FAM163A: variants seen among roughly 807,000 people sequenced by gnomAD.
FAM163A encodes protein FAM163A.
FAM163A carries 7 observed loss-of-function variants against 12.0 expected under a neutral mutation model. That is an observed-to-expected ratio of 0.58 (90% CI 0.33 to 1.10). FAM163A has a LOEUF of 1.10. FAM163A is among the 50% of genes least tolerant of loss of function. The pLI is 0.03. For missense variants in FAM163A, 202 were observed against 218.6 expected (o/e 0.92, Z 0.48); for synonymous variants, 101 against 91.0 (o/e 1.11, Z -0.62).
intron 1 of FAM163A, among the ~76,000 whole-genome samples, chr1:179,774,931 A>G (rs1688740626): frequency 1.3e-5 from 2 of 152,202 alleles, no homozygotes; most frequent in Non-Finnish European, 2.9e-5. Flanking sequence ...CTTGACTGCA[A>G]ATTGTCCAGG....
chr1:179,758,578 C>T (rs567918203), intron 1 of FAM163A, among the ~76,000 whole-genome samples: 3 of 152,344 alleles, frequency 2.0e-5, no homozygotes, highest in African/African-American at 7.2e-5. Flanking sequence ...TTTGTCCACA[C>T]AGACACAAAA....
At chr1:179,794,069 C>G (rs1282258483) in intron 1 of FAM163A, among the ~76,000 whole-genome samples, 1 of 152,232 alleles carries the variant, frequency 6.6e-6, no homozygotes, top group Non-Finnish European at 1.5e-5. Flanking sequence ...CAGGAGGACA[C>G]TCCAGGCCAG....
chr1:179,790,066 G>T (rs1433125712), intron 1 of FAM163A, among the ~76,000 whole-genome samples: 1 of 152,090 alleles, frequency 6.6e-6, no homozygotes, highest in Non-Finnish European at 1.5e-5. Context: ...AGAAGAGATT[G>T]GTAGGAAAGG....
At chr1:179,811,067 A>T (rs1327060307) in intron 2 of FAM163A, among the ~76,000 whole-genome samples, 1 of 152,114 alleles carries the variant, frequency 6.6e-6, no homozygotes, top group Non-Finnish European at 1.5e-5. Context: ...GTGGGACTGC[A>T]TGATGGGGCA....
chr1:179,802,558 A>G (rs907178085), intron 1 of FAM163A, among the ~76,000 whole-genome samples: 3 of 152,124 alleles, frequency 2.0e-5, no homozygotes, highest in Non-Finnish European at 4.4e-5. Context: ...GTGACACCTT[A>G]TGGCTGTGTT....
At chr1:179,759,115 G>A (rs924413258) in intron 1 of FAM163A, among the ~76,000 whole-genome samples, 1 of 152,124 alleles carries the variant, frequency 6.6e-6, no homozygotes, top group African/African-American at 2.4e-5. Flanking sequence ...TCTTGTCACC[G>A]TTGACATTTT....
At chr1:179,785,666 C>T (rs12130143) in intron 1 of FAM163A, among the ~76,000 whole-genome samples, 1 of 151,936 alleles carries the variant, frequency 6.6e-6, no homozygotes, top group Non-Finnish European at 1.5e-5. Flanking sequence ...ATAATTCCAC[C>T]CCTTAAAAAA....
chr1:179,805,942 C>G (rs888651417), intron 1 of FAM163A, among the ~76,000 whole-genome samples: 1 of 152,246 alleles, frequency 6.6e-6, no homozygotes, highest in Non-Finnish European at 1.5e-5. Context: ...TGCTCAGCCT[C>G]TGGGCATCTG....
At chr1:179,768,881 G>A (rs1250472864) in intron 1 of FAM163A, among the ~76,000 whole-genome samples, 2 of 152,100 alleles carry the variant, frequency 1.3e-5, no homozygotes, top group Non-Finnish European at 2.9e-5. Flanking sequence ...TGGGATTACA[G>A]GCGTGAGCCA....
intron 1 of FAM163A, among the ~76,000 whole-genome samples, chr1:179,802,307 T>C (rs571883848): frequency 1.6e-4 from 24 of 152,362 alleles, no homozygotes; most frequent in Admixed American, 3.9e-4. Context: ...AGAATTCTTA[T>C]GCCTCTCATG....
At chr1:179,790,218 CTTTTTTTT>C (rs1168192716) in intron 1 of FAM163A, among the ~76,000 whole-genome samples, 4 of 91,674 alleles carry the variant, frequency 4.4e-5, no homozygotes, top group East Asian at 6.7e-4. Context: ...AGCTGACTTC[CTTTTTTTT>C]TTTTTTTTTT....
chr1:179,780,865 C>T (rs529403014), intron 1 of FAM163A, among the ~76,000 whole-genome samples: 1 of 152,314 alleles, frequency 6.6e-6, no homozygotes, highest in Admixed American at 6.5e-5. Flanking sequence ...TATTACCAGA[C>T]TTTCATCACA....
chr1:179,811,650 T>G (rs918099904), intron 2 of FAM163A, among the ~76,000 whole-genome samples: 1 of 152,178 alleles, frequency 6.6e-6, no homozygotes, highest in African/African-American at 2.4e-5. Context: ...GTGGTGGACA[T>G]GTGATATCTT....
In FAM163A at chr1:179,784,507, G is replaced by A. The variant is rs909277250; in HGVS notation, c.-135-23291G>A. Among the ~76,000 whole-genome samples the A allele has an allele frequency of 1.1e-4, 16 of 152,172 alleles. 1 individual carries two copies. The highest frequency in any genetic ancestry group is 4.6e-4 in the Admixed American group (7 of 15,292). ...AAATTCACAGTTAACGCAGTGCCTGGCACATGGCAGGCATGTCTCCAGTGT... is the reference window on the plus strand; with the variant it reads ...AAATTCACAGTTAACGCAGTGCCTGACACATGGCAGGCATGTCTCCAGTGT... On this transcript the variant is annotated intron_variant, in intron 1 of 4. Transcript: ENST00000341785.
the FAM163A span, among the ~76,000 whole-genome samples, chr1:179,732,975 TA>T: frequency 6.9e-6 from 1 of 145,692 alleles, no homozygotes; most frequent in East Asian, 2.1e-4. Context: ...ACAGGAGCCA[TA>T]AGAGAGGATG....
chr1:179,785,466 T>C (rs1394751181), intron 1 of FAM163A, among the ~76,000 whole-genome samples: 1 of 152,224 alleles, frequency 6.6e-6, no homozygotes, highest in Non-Finnish European at 1.5e-5. Flanking sequence ...GCCTGCTCTC[T>C]TGGGTGTAGC....
chr1:179,784,352 A>G (rs1427804788), intron 1 of FAM163A, among the ~76,000 whole-genome samples: 2 of 152,246 alleles, frequency 1.3e-5, no homozygotes, highest in East Asian at 3.8e-4. Flanking sequence ...TTCACATACC[A>G]GCTCTGTAAC....
chr1:179,765,284 G>A (rs1258586747), intron 1 of FAM163A, among the ~76,000 whole-genome samples: 2 of 152,206 alleles, frequency 1.3e-5, no homozygotes, highest in African/African-American at 2.4e-5. Flanking sequence ...CAGCACCTGG[G>A]CATCTTGTTA....
intron 1 of FAM163A, among the ~76,000 whole-genome samples, chr1:179,778,857 A>C (rs114004581): frequency 6.6e-6 from 1 of 152,208 alleles, no homozygotes; most frequent in African/African-American, 2.4e-5. Context: ...ATGTTTCTTC[A>C]AACACTGTGG....
Sources: gnomAD v4.1 joint callset for allele counts (sites outside exome capture counted in the v4.1 genomes callset) on GRCh38, gnomAD v4.1.1 for gene constraint, MANE v1.5 for transcripts, NCBI Gene and HGNC (gene_info 2026-07-23, HGNC 2026-07-21) for gene names.